Variants in EARS2 observed in about 807,000 individuals in gnomAD.
The protein encoded by EARS2 is nondiscriminating glutamyl-tRNA synthetase EARS2, mitochondrial.
EARS2 carries 50 observed loss-of-function variants against 54.1 expected under a neutral mutation model. The observed-to-expected ratio is 0.92, with a 90% CI of 0.74 to 1.17. EARS2 has a LOEUF of 1.17. EARS2 is among the 50% of genes most tolerant of loss of function. The pLI, the probability that EARS2 is intolerant of heterozygous loss-of-function variation, is 0.00. For missense variants in EARS2, 673 were observed against 675.0 expected (o/e 1.00, Z 0.03); for synonymous variants, 298 against 281.0 (o/e 1.06, Z -0.61).
At chr16:23,550,585 CCGCCACCA>C (rs1332867910) in intron 2 of EARS2, among the ~76,000 whole-genome samples, 2 of 151,872 alleles carry the variant, frequency 1.3e-5, no homozygotes, top group East Asian at 3.9e-4. Flanking sequence ...CTACAGGCAC[CCGCCACCA>C]CGCCTGGCTA....
intron 8 of EARS2, 152 bp downstream of exon 8, chr16:23,525,092 A>G: frequency 2.0e-6 from 2 of 979,548 alleles, no homozygotes; most frequent in Non-Finnish European, 3.2e-6. Context: ...TAGGTACTCA[A>G]TAGTGTCTGT....
chr16:23,529,149 G>C (rs1489191591), intron 7 of EARS2, among the ~76,000 whole-genome samples: 1 of 152,212 alleles, frequency 6.6e-6, no homozygotes, highest in Non-Finnish European at 1.5e-5. Context: ...TACTGTTACA[G>C]TAAGAATTAG....
chr16:23,542,702 C>G (rs952171535), intron 3 of EARS2, among the ~76,000 whole-genome samples: 1 of 152,152 alleles, frequency 6.6e-6, no homozygotes, highest in African/African-American at 2.4e-5. Flanking sequence ...TAACATAGCC[C>G]CAGTCATTCT....
At chr16:23,548,295 A>G (rs1265254412) in intron 2 of EARS2, among the ~76,000 whole-genome samples, 1 of 152,076 alleles carries the variant, frequency 6.6e-6, no homozygotes, top group Non-Finnish European at 1.5e-5. Context: ...ATTAAAAAAG[A>G]AAGAATGACT....
chr16:23,547,354 T>C (rs1221089688), intron 2 of EARS2, among the ~76,000 whole-genome samples: 1 of 152,130 alleles, frequency 6.6e-6, no homozygotes, highest in Non-Finnish European at 1.5e-5. Context: ...GAGGGTAGAA[T>C]GGAAAACAAC....
chr16:23,532,162 A>G (rs1965338219), intron 5 of EARS2, among the ~76,000 whole-genome samples: 1 of 152,194 alleles, frequency 6.6e-6, no homozygotes, highest in Admixed American at 6.5e-5. Flanking sequence ...CTGAGTTGGA[A>G]CGATATTTGG....
In EARS2 at chr16:23,521,053, A is replaced by G. The variant is rs1266394717; in HGVS notation, c.*3318T>C. Among the ~76,000 whole-genome samples, 3 of 152,144 alleles carry G rather than the reference A, an allele frequency of 2.0e-5. No homozygotes were observed. The highest frequency in any genetic ancestry group is 4.4e-5 in the Non-Finnish European group (3 of 68,012). ...GTGATCTGCCTGCCTTGGCCTCCCAAAATGTTGGGATTCTAGGTGTGAGCC... is the reference window on the plus strand; with the variant it reads ...GTGATCTGCCTGCCTTGGCCTCCCAGAATGTTGGGATTCTAGGTGTGAGCC... On this transcript the variant is annotated 3_prime_UTR_variant, in exon 9 of 9. Transcript: ENST00000449606.
At chr16:23,552,019 C>T in intron 2 of EARS2, 130 bp downstream of exon 2, 2 of 1,145,898 alleles carry the variant, frequency 1.7e-6, no homozygotes, top group Non-Finnish European at 2.5e-6. Context: ...CCGGGCAGGG[C>T]AGTACAAATG....
intron 1 of EARS2, 28 bp from the exon 2 acceptor site, chr16:23,552,332 CA>C (rs1965710942): frequency 6.2e-7 from 1 of 1,609,768 alleles, no homozygotes; most frequent in South Asian, 1.1e-5. Context: ...TCAGATAAGA[CA>C]GGGAAGATAA....
At chr16:23,548,288 A>T (rs1208949840) in intron 2 of EARS2, among the ~76,000 whole-genome samples, 2 of 151,922 alleles carry the variant, frequency 1.3e-5, no homozygotes, top group Non-Finnish European at 2.9e-5. Flanking sequence ...GAAAAAAATT[A>T]AAAAAGAAAG....
chr16:23,552,295 T>C lies in EARS2; in HGVS notation c.149A>G (p.His50Arg). The C allele has an allele frequency of 6.2e-7, 1 of 1,614,104 alleles. No homozygotes were observed. Among genetic ancestry groups the C allele is most frequent in the East Asian group, 2.2e-5 (1 of 44,876 alleles). The change falls in exon 2 of 9, where the codon CAC becomes CGC. Residue 50 changes from histidine to arginine, a missense_variant. His to Arg is a conservative substitution (Grantham distance 29). Around this residue, in one of 3 missense-constraint regions of EARS2, gnomAD observed 316 missense variants for 275.2 expected, o/e 1.15. Coordinates refer to ENST00000449606, the MANE Select transcript of EARS2 (RefSeq NM_001083614.2). Reference sequence around the variant, plus strand: ...CAAGGCAGTGCGGAGGCCACCCAGGTGCAAGAAGCCTGGAGAAGAGAACAG... The same window carrying C: ...CAAGGCAGTGCGGAGGCCACCCAGGCGCAAGAAGCCTGGAGAAGAGAACAG... The part of the protein sequence containing the change: ...RFAPSPTGFL[H>R]LGGLRTALYN...
intron 3 of EARS2, 111 bp downstream of exon 3, chr16:23,544,403 G>A (rs969484497): frequency 4.4e-6 from 5 of 1,130,400 alleles, no homozygotes; most frequent in Admixed American, 5.3e-5. Context: ...TCAGATGCCT[G>A]ACCCACAGAA....
chr16:23,556,890 C>T, intron 1 of EARS2: 2 of 601,802 alleles, frequency 3.3e-6, no homozygotes, highest in South Asian at 3.0e-5. Context: ...AGGCCCCTAC[C>T]TTTCTCAATG....
At chr16:23,544,833 G>A in intron 2 of EARS2, 130 bp from the exon 3 acceptor site, 2 of 859,870 alleles carry the variant, frequency 2.3e-6, no homozygotes, top group Non-Finnish European at 3.4e-6. Context: ...TTAGTACAAT[G>A]TCCTCCCCGC....
At chr16:23,532,884 A>C in intron 4 of EARS2, 119 bp from the exon 5 acceptor site, 1 of 650,044 alleles carries the variant, frequency 1.5e-6, no homozygotes, top group East Asian at 2.8e-5. Flanking sequence ...GCAATGGTAC[A>C]ATCCTAGCTC....
rs113410455 is a variant in EARS2, at chr16:23,557,281, G to A, written c.63C>T (p.Pro21=). ...RERPSAASGR[P]VGRREANLGT... is the part of the protein sequence containing the mutation. ...CCAGGTTGGCCTCGCGCCGTCCTAC[G>A]GGGCGGCCAGAGGCCGCCGAAGGCC... The change falls in exon 1 of 9, where the codon CCC becomes CCT. Residue 21 remains proline (P), a synonymous_variant. Transcript: ENST00000449606. The A allele has an allele frequency of 1.1e-4, 174 of 1,516,902 alleles. 1 individual carries two copies. In the African/African-American group the frequency reaches 2.0e-3, roughly 17 times the overall value. 94.0% of individuals were successfully genotyped at this position (1,516,902 alleles called of 1,614,324 possible).
chr16:23,524,288 C>A lies in EARS2; in HGVS notation c.*83G>T. On this transcript the variant is annotated 3_prime_UTR_variant, in exon 9 of 9. Coordinates refer to ENST00000449606, the MANE Select transcript of EARS2 (RefSeq NM_001083614.2). The stretch of plus-strand genomic sequence containing the variant: ...CCTTCAGCAAACTTCCCGACGGGCC[C>A]CAGGCCTCCTTCTGGTCTCTGAAAG... 8.1e-7 allele frequency: 1 copy of A among 1,231,358 alleles called. No homozygotes were observed. Among genetic ancestry groups the A allele is most frequent in the Non-Finnish European group, 1.2e-6 (1 of 834,210 alleles). 76.3% of individuals were successfully genotyped at this position (1,231,358 alleles called of 1,614,324 possible).
intron 3 of EARS2, among the ~76,000 whole-genome samples, chr16:23,542,146 C>G (rs1012027410): frequency 6.6e-6 from 1 of 151,126 alleles, no homozygotes; most frequent in Non-Finnish European, 1.5e-5. Flanking sequence ...GCATGAGCCA[C>G]CACTCCAGGC....
rs1435305164 is a variant in EARS2 at position 23,552,175 on chromosome 16, T to G, written c.269A>C (p.Asn90Thr). The change falls in exon 2 of 9, where the codon AAT (asparagine) becomes ACT (threonine). Residue 90 changes from asparagine to threonine, a missense_variant. Asn to Thr is a moderately conservative substitution (Grantham distance 65). Transcript: ENST00000449606. ...TGCCCACTCCAGCATGTCCTCAATA[T>G]TCTCCGCTGCCCCAGGCACAACGCG... ...QTRVVPGAAE[N>T]IEDMLEWAGI... 1 of 1,614,054 alleles carries G rather than the reference T, an allele frequency of 6.2e-7. No individual in the cohort carries two copies.
Sources: allele counts gnomAD v4.1 joint callset (sites outside exome capture counted in the v4.1 genomes callset), GRCh38; gene constraint gnomAD v4.1.1; regional missense constraint gnomAD v4.1.1; transcripts MANE v1.5; gene names NCBI Gene and HGNC (gene_info 2026-07-23, HGNC 2026-07-21).